NBAS: variants seen among roughly 807,000 people sequenced by gnomAD.
The protein encoded by NBAS is NBAS subunit of NRZ tethering complex.
Under a neutral mutation model 302.5 loss-of-function variants are expected in NBAS, and 219 were observed. The ratio of observed to expected loss-of-function variants is 0.72; its 90% confidence interval spans 0.65 to 0.81. The LOEUF is 0.81. Ranked by LOEUF, NBAS falls within the 30% of genes least tolerant of loss-of-function variation. The pLI is 0.00. For missense variants in NBAS, 2,932 were observed against 2,841.6 expected, an observed-to-expected ratio of 1.03 and a Z score of -0.72; for synonymous variants, 1,118 against 1,021.6, an observed-to-expected ratio of 1.09 and a Z score of -1.80.
At chr2:15,220,049 TC>T (rs1451606901) in intron 47 of NBAS, among the ~76,000 whole-genome samples, 1 of 135,090 alleles carries the variant, frequency 7.4e-6, no homozygotes, top group Non-Finnish European at 1.6e-5. Context: ...CCCACCTCCC[TC>T]CCGGACGGGG....
intron 12 of NBAS, 115 bp from the exon 13 acceptor site, chr2:15,478,404 A>G (rs1680281864): frequency 1.3e-6 from 1 of 753,954 alleles, no homozygotes; most frequent in South Asian, 1.5e-5. Flanking sequence ...TGATCTCTCA[A>G]TTACAACTAA....
At chr2:15,383,173 A>C in intron 29 of NBAS, 42 bp downstream of exon 29, 1 of 1,454,330 alleles carries the variant, frequency 6.9e-7, no homozygotes, top group Non-Finnish European at 9.5e-7. Flanking sequence ...AACAATTAAA[A>C]TTGTTAAATT....
chr2:15,386,158 T>C (rs779731500), intron 28 of NBAS, among the ~76,000 whole-genome samples: 6 of 152,160 alleles, frequency 3.9e-5, no homozygotes, highest in Non-Finnish European at 8.8e-5. Flanking sequence ...TTAAGGCACA[T>C]GTGTTAATGA....
intron 21 of NBAS, among the ~76,000 whole-genome samples, chr2:15,430,546 G>C (rs1677712054): frequency 6.6e-6 from 1 of 152,132 alleles, no homozygotes; most frequent in African/African-American, 2.4e-5. Context: ...ATCTAATGTA[G>C]TAGATATTAT....
chr2:14,978,364 T>A, the NBAS span, among the ~76,000 whole-genome samples: 3 of 152,224 alleles, frequency 2.0e-5, no homozygotes, highest in Non-Finnish European at 4.4e-5. Flanking sequence ...GAATTGCATC[T>A]TTACTCCTCT....
intron 25 of NBAS, 59 bp from the exon 26 acceptor site, chr2:15,402,360 T>A: frequency 6.6e-7 from 1 of 1,518,888 alleles, no homozygotes; most frequent in South Asian, 1.1e-5. Context: ...AATTTTTCCA[T>A]ATCCCAATAC....
chr2:15,466,249 C>CA (rs1679719197), intron 19 of NBAS, among the ~76,000 whole-genome samples: 1 of 152,128 alleles, frequency 6.6e-6, no homozygotes, highest in South Asian at 2.1e-4. Context: ...TCAGATGTGA[C>CA]ATACAGTGCC....
the NBAS span, among the ~76,000 whole-genome samples, chr2:15,111,398 C>G: frequency 3.3e-5 from 5 of 152,160 alleles, no homozygotes; most frequent in Admixed American, 3.3e-4. Flanking sequence ...AGTTCAAGAT[C>G]TGCATGCTAT....
chr2:15,324,841 A>C (rs1172631233), intron 38 of NBAS, among the ~76,000 whole-genome samples: 1 of 152,206 alleles, frequency 6.6e-6, no homozygotes, highest in Non-Finnish European at 1.5e-5. Flanking sequence ...AGAGAACGTC[A>C]CTATTTGCTT....
chr2:15,364,171 TCTAA>T (rs1284478634), intron 32 of NBAS, among the ~76,000 whole-genome samples: 1 of 152,164 alleles, frequency 6.6e-6, no homozygotes, highest in African/African-American at 2.4e-5. Flanking sequence ...GCAAGGTCTG[TCTAA>T]CTGAGTCCAA....
rs1390238475 is a variant in NBAS at position 15,415,438 on chromosome 2, G to A, written c.2937+108C>T. On this transcript the variant is annotated intron_variant, in intron 25 of 51. Coordinates refer to ENST00000281513, the MANE Select transcript of NBAS (RefSeq NM_015909.4). ...TAAAATGACAATCATTTGTTTTTCTGTTTAAAGGGAAATTATCTGCAAAGC... is the reference window on the plus strand; with the variant it reads ...TAAAATGACAATCATTTGTTTTTCTATTTAAAGGGAAATTATCTGCAAAGC... 3.9e-6 allele frequency: 4 copies of A among 1,027,482 alleles called. No individual in the cohort carries two copies. The African/African-American group carries it at 6.4e-5, about 17-fold the overall frequency. 63.6% of individuals were successfully genotyped at this position (1,027,482 alleles called of 1,614,324 possible).
chr2:15,537,020 A>C (rs1663552408), intron 7 of NBAS, among the ~76,000 whole-genome samples: 1 of 152,240 alleles, frequency 6.6e-6, no homozygotes, highest in South Asian at 2.1e-4. Flanking sequence ...CTCAGTGTTA[A>C]CCTTTCTCCA....
intron 47 of NBAS, among the ~76,000 whole-genome samples, chr2:15,226,798 A>G (rs1667168535): frequency 6.6e-6 from 1 of 152,178 alleles, no homozygotes; most frequent in Non-Finnish European, 1.5e-5. Context: ...AATGATTCTA[A>G]CACTTTTTTT....
At chr2:14,875,043 A>C in the NBAS span, among the ~76,000 whole-genome samples, 3 of 152,188 alleles carry the variant, frequency 2.0e-5, no homozygotes, top group Admixed American at 1.3e-4. Context: ...ATCTGTAAAT[A>C]ACACTAAGTA....
At chr2:15,290,372 G>A (rs1013147958) in intron 41 of NBAS, among the ~76,000 whole-genome samples, 1 of 152,164 alleles carries the variant, frequency 6.6e-6, no homozygotes, top group East Asian at 1.9e-4. Flanking sequence ...AGATTGTACA[G>A]AAGATTCTAT....
chr2:14,811,407 C>G, the NBAS span, among the ~76,000 whole-genome samples: 1 of 151,734 alleles, frequency 6.6e-6, no homozygotes, highest in African/African-American at 2.4e-5. Flanking sequence ...GAGGCCCTGA[C>G]TCTAGAAAAA....
At chr2:14,788,084 A>G in the NBAS span, among the ~76,000 whole-genome samples, 1 of 151,814 alleles carries the variant, frequency 6.6e-6, no homozygotes, top group African/African-American at 2.4e-5. Flanking sequence ...ATCTTCCATC[A>G]CTGATACCCT....
In NBAS at chr2:15,424,426, C is replaced by A. The variant is rs773734846; in HGVS notation, c.2466G>T (p.Leu822Phe). The change falls in exon 23 of 52, where the codon TTG (leucine) becomes TTT (phenylalanine). Residue 822 changes from leucine (L) to phenylalanine (F), a missense_variant. Physicochemically the swap from Leu to Phe is conservative, Grantham distance 22 (BLOSUM62 0). Coordinates refer to ENST00000281513, the MANE Select transcript of NBAS (RefSeq NM_015909.4). ...EPNLQDESEF[L>F]YAAQPELLRF... ...TTAGTAACTCAGGCTGTGCAGCATACAAGAATTCACTTTCATCTTGGAGAT... is the reference window on the plus strand; with the variant it reads ...TTAGTAACTCAGGCTGTGCAGCATAAAAGAATTCACTTTCATCTTGGAGAT... 1 of 1,614,112 alleles carries A rather than the reference C, an allele frequency of 6.2e-7. No homozygotes were observed. Among genetic ancestry groups the A allele is most frequent in the South Asian group, 1.1e-5 (1 of 91,076 alleles).
intron 21 of NBAS, among the ~76,000 whole-genome samples, chr2:15,456,197 C>T (rs1441348947): frequency 6.6e-6 from 1 of 152,094 alleles, no homozygotes; most frequent in Non-Finnish European, 1.5e-5. Context: ...TTAAGACTGA[C>T]AATATAAAAC....
Sources: gnomAD v4.1 joint callset for allele counts (sites outside exome capture counted in the v4.1 genomes callset) on GRCh38, gnomAD v4.1.1 for gene constraint, MANE v1.5 for transcripts, NCBI Gene and HGNC (gene_info 2026-07-23, HGNC 2026-07-21) for gene names.